Variants in CHST9 observed in about 807,000 individuals in gnomAD.
CHST9 encodes the protein GalNAc-4-sulfotransferase 2.
In CHST9, 41 loss-of-function variants were observed where a neutral mutation model predicts 44.4. The ratio of observed to expected loss-of-function variants is 0.92; its 90% CI spans 0.72 to 1.20. The LOEUF (loss-of-function observed/expected upper bound fraction) is 1.20, where lower values mean the gene tolerates loss of function less well. CHST9 is among the 50% of genes most tolerant of loss of function. The pLI, the probability that CHST9 is intolerant of heterozygous loss-of-function variation, is 0.00. For synonymous variants in CHST9, 171 were observed against 178.4 expected, an observed-to-expected ratio of 0.96 and a Z score of 0.33; for missense variants, 504 against 516.5, an observed-to-expected ratio of 0.98 and a Z score of 0.23.
At chr18:27,173,852 A>G (rs1474301364) in intron 1 of CHST9, among the ~76,000 whole-genome samples, 1 of 152,024 alleles carries the variant, frequency 6.6e-6, no homozygotes, top group Non-Finnish European at 1.5e-5. Context: ...TACAGAAATT[A>G]GCAATATAAC....
intron 3 of CHST9, among the ~76,000 whole-genome samples, chr18:27,031,345 A>G (rs1330668253): frequency 6.6e-6 from 1 of 151,918 alleles, no homozygotes; most frequent in Non-Finnish European, 1.5e-5. Flanking sequence ...TATTATATGG[A>G]CACTTCTTCC....
intron 2 of CHST9, among the ~76,000 whole-genome samples, chr18:27,120,002 G>A (rs2058361110): frequency 6.6e-6 from 1 of 152,184 alleles, no homozygotes; most frequent in Non-Finnish European, 1.5e-5. Context: ...AAAGGTACAA[G>A]GTGCTGTGAG....
chr18:26,990,299 C>T (rs1372246033), intron 4 of CHST9, among the ~76,000 whole-genome samples: 2 of 152,154 alleles, frequency 1.3e-5, no homozygotes, highest in Non-Finnish European at 2.9e-5. Flanking sequence ...ATTAATTATA[C>T]TTCAATAAAG....
intron 2 of CHST9, among the ~76,000 whole-genome samples, chr18:27,132,300 T>C (rs546364906): frequency 6.6e-6 from 1 of 152,250 alleles, no homozygotes; most frequent in East Asian, 1.9e-4. Flanking sequence ...GATGATCCAC[T>C]GTTTTATTCA....
At chr18:27,156,371 T>G (rs1002464364) in intron 1 of CHST9, among the ~76,000 whole-genome samples, 1 of 152,082 alleles carries the variant, frequency 6.6e-6, no homozygotes, top group African/African-American at 2.4e-5. Context: ...TAAGGTATTT[T>G]GGGTACTATG....
rs141681884 is a variant in CHST9, at chr18:27,166,858, C to T, written c.-97+18278G>A. Reference sequence around the variant, plus strand: ...TATAAGTTTTACGTGGCACAGGAGCCTTCATAGGGAAATGAAGACCCGAAG... The same window carrying T: ...TATAAGTTTTACGTGGCACAGGAGCTTTCATAGGGAAATGAAGACCCGAAG... On this transcript the variant is annotated intron_variant, in intron 1 of 5. Transcript: ENST00000618847. Among the ~76,000 whole-genome samples the T allele has an allele frequency of 3.3e-4, 50 of 152,264 alleles. No individual in the cohort carries two copies. The East Asian group carries it at 9.1e-3, about 28-fold the overall frequency.
chr18:26,931,193 C>T (rs2055872152), intron 5 of CHST9, among the ~76,000 whole-genome samples: 1 of 152,212 alleles, frequency 6.6e-6, no homozygotes, highest in African/African-American at 2.4e-5. Flanking sequence ...TCCTTAGATG[C>T]TGTATCATTA....
chr18:27,114,626 C>T (rs1291754392), intron 2 of CHST9, among the ~76,000 whole-genome samples: 2 of 152,200 alleles, frequency 1.3e-5, no homozygotes, highest in East Asian at 3.8e-4. Flanking sequence ...CAACCCTCAG[C>T]CTGTGGCAAC....
At chr18:27,102,242 G>C (rs998917827) in intron 2 of CHST9, among the ~76,000 whole-genome samples, 5 of 152,176 alleles carry the variant, frequency 3.3e-5, no homozygotes, top group Admixed American at 1.3e-4. Flanking sequence ...TAAAACTTTT[G>C]TACTAATTTA....
At chr18:26,930,684 G>T (rs760900747) in intron 5 of CHST9, 2 of 153,722 alleles carry the variant, frequency 1.3e-5, no homozygotes, top group African/African-American at 2.4e-5. Flanking sequence ...AGTATAGGTT[G>T]CACTGATCCT....
chr18:26,940,409 G>C (rs141993800), intron 5 of CHST9, among the ~76,000 whole-genome samples: 71 of 152,282 alleles, frequency 4.7e-4, no homozygotes, highest in African/African-American at 1.6e-3. Context: ...AAGTTTCAGG[G>C]GTGACTATAA....
intron 5 of CHST9, among the ~76,000 whole-genome samples, chr18:26,937,005 T>G (rs1011700762): frequency 6.6e-6 from 1 of 152,230 alleles, no homozygotes; most frequent in Non-Finnish European, 1.5e-5. Context: ...AGAGAGTTTT[T>G]AGAAGTAACA....
At chr18:27,042,669 T>A (rs1419864079) in intron 3 of CHST9, among the ~76,000 whole-genome samples, 1 of 152,078 alleles carries the variant, frequency 6.6e-6, no homozygotes, top group East Asian at 1.9e-4. Flanking sequence ...CATGTTCATT[T>A]AAAGGCTCAA....
rs1261471854 is a variant in CHST9 at position 26,917,305 on chromosome 18, T to C, written c.286A>G (p.Asn96Asp). The part of the protein sequence containing the change: ...MPEDVREKKE[N>D]LLLNSERSTR... ...GATCTCTCAGAATTGAGTAGAAGAT[T>C]TTCCTTTTTTTCTCGTACATCCTCA... Residue 96 changes from asparagine (N) to aspartate (D), a missense_variant, in exon 6 of 6, where the codon AAT becomes GAT. Transcript: ENST00000618847. The C allele has an allele frequency of 6.2e-7, 1 of 1,612,356 alleles. No individual in the cohort carries two copies. The highest frequency in any genetic ancestry group is 1.3e-5 in the African/African-American group (1 of 74,816).
chr18:27,088,005 C>G (rs1027243972), intron 2 of CHST9, among the ~76,000 whole-genome samples: 9 of 152,186 alleles, frequency 5.9e-5, no homozygotes, highest in African/African-American at 2.2e-4. Flanking sequence ...CCAAACGCTC[C>G]TTTTCAAAGA....
chr18:26,998,228 A>G lies in CHST9; in HGVS notation c.202+25888T>C, dbSNP rs138014417. Reference sequence around the variant, plus strand: ...CTGCTCGTATTTTATTGTGGCACCTATATCGCTGGATCTCACTCACTGGTT... The same window carrying G: ...CTGCTCGTATTTTATTGTGGCACCTGTATCGCTGGATCTCACTCACTGGTT... On this transcript the variant is annotated intron_variant, in intron 4 of 5. Coordinates refer to ENST00000618847, the MANE Select transcript of CHST9 (RefSeq NM_031422.6). Among the ~76,000 whole-genome samples, 11 of 152,208 alleles carry G rather than the reference A, an allele frequency of 7.2e-5. No homozygotes were observed. In the East Asian group the frequency reaches 1.9e-3, roughly 27 times the overall value.
intron 5 of CHST9, among the ~76,000 whole-genome samples, chr18:26,941,711 C>T (rs2056085068): frequency 6.6e-6 from 1 of 152,082 alleles, no homozygotes; most frequent in Admixed American, 6.5e-5. Flanking sequence ...TCATTTTTGT[C>T]CTGTTCTCGT....
chr18:27,039,233 G>A (rs1345043069), intron 3 of CHST9, among the ~76,000 whole-genome samples: 1 of 152,132 alleles, frequency 6.6e-6, no homozygotes, highest in Non-Finnish European at 1.5e-5. Flanking sequence ...GTTCACAGCA[G>A]CATAATTCAA....
intron 1 of CHST9, chr18:27,147,783 A>G (rs4800791): frequency 0.41 from 62,415 of 150,992 alleles, 13,275 homozygotes; most frequent in East Asian, 0.62. Flanking sequence ...TCCTCTGTAA[A>G]CCCCTACAGT....
Sources: allele counts gnomAD v4.1 joint callset (sites outside exome capture counted in the v4.1 genomes callset), GRCh38; gene constraint gnomAD v4.1.1; transcripts MANE v1.5; gene names NCBI Gene and HGNC (gene_info 2026-07-23, HGNC 2026-07-21).